The following CARMIL1 variants were observed in gnomAD, a reference collection of about 807,000 sequenced individuals.
CARMIL1 encodes capping protein regulator and myosin 1 linker 1.
Under a neutral mutation model 177.1 loss-of-function variants are expected in CARMIL1, and 90 were observed. The ratio of observed to expected loss-of-function variants is 0.51; its 90% confidence interval spans 0.43 to 0.61. The LOEUF (loss-of-function observed/expected upper bound fraction) is 0.61. Among genes scored for constraint, CARMIL1 ranks in the 20% least tolerant of loss-of-function variants. The pLI, the probability that CARMIL1 is intolerant of heterozygous loss-of-function variation, is 0.00. For synonymous variants in CARMIL1, 577 were observed against 606.2 expected (o/e 0.95, Z 0.71); for missense variants, 1,380 against 1,667.0 (o/e 0.83, Z 3.00).
intron 2 of CARMIL1, among the ~76,000 whole-genome samples, chr6:25,287,930 T>C (rs944449890): frequency 2.0e-5 from 3 of 152,208 alleles, no homozygotes; most frequent in Non-Finnish European, 4.4e-5. Flanking sequence ...GAACCTGCTG[T>C]GTCCCAGGCA....
intron 28 of CARMIL1, among the ~76,000 whole-genome samples, chr6:25,555,591 G>A (rs940561275): frequency 6.6e-6 from 1 of 152,054 alleles, no homozygotes; most frequent in African/African-American, 2.4e-5. Flanking sequence ...GTAGAGATGA[G>A]GTTTCACCAT....
At chr6:25,548,035 C>CACACAG in intron 26 of CARMIL1, among the ~76,000 whole-genome samples, 1 of 152,020 alleles carries the variant, frequency 6.6e-6, no homozygotes, top group South Asian at 2.1e-4. Context: ...GTGTGCAAAG[C>CACACAG]ATGGAAACAG....
intron 2 of CARMIL1, among the ~76,000 whole-genome samples, chr6:25,404,187 G>A (rs1562092704): frequency 6.6e-6 from 1 of 152,214 alleles, no homozygotes; most frequent in African/African-American, 2.4e-5. Context: ...CTGCACTTGA[G>A]GAGCCACATA....
At chr6:25,402,245 A>T (rs1026997019) in intron 2 of CARMIL1, among the ~76,000 whole-genome samples, 2 of 152,166 alleles carry the variant, frequency 1.3e-5, no homozygotes, top group African/African-American at 4.8e-5. Context: ...TTCAATTATA[A>T]TAAGACTCTT....
In CARMIL1 at chr6:25,435,505, G is replaced by T; in HGVS notation, c.272G>T (p.Cys91Phe). The T allele has an allele frequency of 6.4e-7, 1 of 1,551,652 alleles. No homozygotes were observed. Among genetic ancestry groups the T allele is most frequent in the Non-Finnish European group, 8.7e-7 (1 of 1,146,850 alleles). Residue 91 changes from cysteine (C) to phenylalanine (F), a missense_variant, in exon 5 of 37, where the codon TGC becomes TTC. Cys to Phe is a radical substitution (Grantham distance 205). Coordinates refer to ENST00000329474, the MANE Select transcript of CARMIL1 (RefSeq NM_017640.6). ...CAGATGATTGTGGAAACTGAGAAGT[G>T]CAGCATTTCCATGAAGATGGCGTCA... ...SAQMIVETEK[C>F]SISMKMASPE...
intron 3 of CARMIL1, among the ~76,000 whole-genome samples, chr6:25,425,017 T>A (rs1374084077): frequency 6.6e-6 from 1 of 152,216 alleles, no homozygotes; most frequent in Non-Finnish European, 1.5e-5. Flanking sequence ...GTATGTATAC[T>A]TTTTAGAAAA....
At chr6:25,456,657 A>G (rs1483239304) in intron 8 of CARMIL1, among the ~76,000 whole-genome samples, 1 of 152,202 alleles carries the variant, frequency 6.6e-6, no homozygotes, top group Non-Finnish European at 1.5e-5. Flanking sequence ...GTGGTAGGGA[A>G]TTATGAAGGT....
rs182969561 is a variant in CARMIL1, at chr6:25,618,729, A to G, written c.3980-718A>G. Among the ~76,000 whole-genome samples the G allele has an allele frequency of 1.4e-4, 22 of 152,358 alleles. 1 individual carries two copies. In the East Asian group the frequency reaches 4.2e-3, roughly 29 times the overall value. ...GTAATGATTCTCCTATCGCTGCTTTATAAAGCCTCAGTGGATTCTTCATAT... is the reference window on the plus strand; with the variant it reads ...GTAATGATTCTCCTATCGCTGCTTTGTAAAGCCTCAGTGGATTCTTCATAT... On this transcript the variant is annotated intron_variant, in intron 36 of 36. Transcript: ENST00000329474.
chr6:25,332,698 A>T (rs530612748), intron 2 of CARMIL1, among the ~76,000 whole-genome samples: 1 of 150,922 alleles, frequency 6.6e-6, no homozygotes, highest in Non-Finnish European at 1.5e-5. Context: ...CAGGGTAGAG[A>T]TTCTGTCTCC....
chr6:25,531,862 C>G (rs1018033048), intron 24 of CARMIL1, among the ~76,000 whole-genome samples: 6 of 151,918 alleles, frequency 3.9e-5, no homozygotes, highest in Admixed American at 6.6e-5. Context: ...CCTCCGCCTC[C>G]CTGGTTCAAG....
chr6:25,466,026 A>AT (rs1204632723), intron 9 of CARMIL1, 78 bp downstream of exon 9: 7 of 983,418 alleles, frequency 7.1e-6, no homozygotes, highest in South Asian at 1.3e-5. Flanking sequence ...GAAAAAAACA[A>AT]TTTTTTTACT....
chr6:25,539,921 G>A (rs1047873461), intron 25 of CARMIL1, 26 bp from the exon 26 acceptor site: 2 of 1,519,848 alleles, frequency 1.3e-6, no homozygotes, highest in Non-Finnish European at 1.8e-6. Context: ...CAATTCTAAA[G>A]AGGTTATTTT....
chr6:25,452,813 T>G (rs1799111998), intron 8 of CARMIL1, among the ~76,000 whole-genome samples: 1 of 152,234 alleles, frequency 6.6e-6, no homozygotes, highest in Non-Finnish European at 1.5e-5. Context: ...AGATGTGTAG[T>G]TAGGAAGTAT....
chr6:25,471,236 T>C lies in CARMIL1; in HGVS notation c.758T>C (p.Leu253Ser). ...TCCAATCGACTGGAAGAATTGGTGT[T>C]GGAAAATGCTGGACTTAGAACGTGA... ...SRSNRLEELV[L>S]ENAGLRTDFA... is the part of the protein sequence containing the mutation. Residue 253 changes from leucine to serine, a missense_variant, in exon 10 of 37, where the codon TTG (leucine) becomes TCG (serine). Physicochemically the swap from Leu to Ser is moderately radical, Grantham distance 145. Transcript: ENST00000329474. The C allele has an allele frequency of 6.2e-7, 1 of 1,612,754 alleles. No individual in the cohort carries two copies. The highest frequency in any genetic ancestry group is 8.5e-7 in the Non-Finnish European group (1 of 1,178,936).
Position 25,495,538 on chromosome 6 carries a change from CGTGTGT to C in CARMIL1, c.1325+356_1325+361del, listed in dbSNP as rs144132253. Among the ~76,000 whole-genome samples the C allele has an allele frequency of 3.9e-3, 565 of 144,926 alleles. 3 individuals carry two copies. The highest frequency in any genetic ancestry group is 7.2e-3 in the African/African-American group (282 of 39,308). ...TCCATTTCAGGCATATTCGTTTGTT[CGTGTGT>C]GTGTGTGTGTGTGTGTGTGTGTGTG... On this transcript the variant is annotated intron_variant, in intron 16 of 36. Transcript: ENST00000329474.
At chr6:25,478,802 A>G (rs904855344) in intron 11 of CARMIL1, among the ~76,000 whole-genome samples, 10 of 151,814 alleles carry the variant, frequency 6.6e-5, no homozygotes, top group Non-Finnish European at 1.5e-4. Context: ...TCTTGGGGAA[A>G]AAAAAAAAGG....
chr6:25,371,379 ATAAG>A (rs1272887918), intron 2 of CARMIL1, among the ~76,000 whole-genome samples: 55 of 152,288 alleles, frequency 3.6e-4, no homozygotes, highest in African/African-American at 1.3e-3. Context: ...CCAGCAGTGT[ATAAG>A]TAAGTGTTCT....
chr6:25,569,585 A>G (rs1282540252), intron 29 of CARMIL1, among the ~76,000 whole-genome samples: 1 of 152,224 alleles, frequency 6.6e-6, no homozygotes, highest in Non-Finnish European at 1.5e-5. Context: ...CAGTAAAATA[A>G]TTGTTATATT....
chr6:25,554,195 C>T lies in CARMIL1; in HGVS notation c.2592+99C>T. The T allele has an allele frequency of 8.5e-6, 7 of 822,672 alleles. No homozygotes were observed. The highest frequency in any genetic ancestry group is 1.4e-5 in the Non-Finnish European group (7 of 492,636). The allele number at this position is 822,672 out of a possible 1,614,324, so 51.0% of individuals were successfully genotyped here. A position where few individuals can be genotyped will look rare whatever the true frequency, so the allele number is the denominator to read the frequency against. On this transcript the variant is annotated intron_variant, in intron 28 of 36. Transcript: ENST00000329474. This position sits in a 1 kb window ranked among gnomAD's most constrained non-coding sequence, Gnocchi z 4.6. ...GGGATGTGATTTCTTTTCTGTATTT[C>T]ACACTATTACAGCTTTATGGTTTGT...
Sources: allele counts gnomAD v4.1 joint callset (sites outside exome capture counted in the v4.1 genomes callset), GRCh38; gene constraint gnomAD v4.1.1; non-coding constraint Gnocchi (gnomAD v3.1); transcripts MANE v1.5; gene names NCBI Gene and HGNC (gene_info 2026-07-23, HGNC 2026-07-21).